FLNB: variants seen among roughly 807,000 people sequenced by gnomAD.
FLNB encodes filamin-B.
Under a neutral mutation model 250.6 loss-of-function variants are expected in FLNB, and 111 were observed. That is an observed-to-expected ratio of 0.44 (90% CI 0.38 to 0.52). The LOEUF is 0.52. FLNB is among the 20% of genes least tolerant of loss of function. The pLI is 0.00. For synonymous variants in FLNB, 1,302 were observed against 1,372.1 expected (o/e 0.95, Z 1.13); for missense variants, 2,869 against 3,447.8 (o/e 0.83, Z 4.20).
At chr3:58,054,132 G>A (rs781498190) in intron 1 of FLNB, among the ~76,000 whole-genome samples, 5 of 152,194 alleles carry the variant, frequency 3.3e-5, no homozygotes, top group Admixed American at 2.0e-4. Flanking sequence ...CTGGAGCTTG[G>A]TGCTGAGTGC....
At chr3:58,084,124 G>A (rs998350744) in intron 4 of FLNB, among the ~76,000 whole-genome samples, 2 of 151,424 alleles carry the variant, frequency 1.3e-5, no homozygotes, top group Non-Finnish European at 2.9e-5. Context: ...CCTGGGAGGC[G>A]GAGGTTGCAG....
chr3:58,015,883 C>T (rs1463431707), intron 1 of FLNB, among the ~76,000 whole-genome samples: 3 of 152,126 alleles, frequency 2.0e-5, no homozygotes, highest in Middle Eastern at 3.4e-3. Flanking sequence ...AGACCTAAAG[C>T]GTGACTAGAA....
chr3:58,038,779 G>A (rs1282701409), intron 1 of FLNB, among the ~76,000 whole-genome samples: 4 of 152,040 alleles, frequency 2.6e-5, no homozygotes, highest in Admixed American at 2.6e-4. Flanking sequence ...GTTACTACTT[G>A]CAGGCATCTC....
intron 3 of FLNB, among the ~76,000 whole-genome samples, chr3:58,080,794 T>TC (rs2097208113): frequency 6.7e-6 from 1 of 149,594 alleles, no homozygotes; most frequent in East Asian, 2.0e-4. Flanking sequence ...GTCTGGCCTT[T>TC]TTTTTTTTTT....
chr3:58,132,534 G>A (rs1291480257), intron 25 of FLNB: 3 of 525,520 alleles, frequency 5.7e-6, no homozygotes, highest in African/African-American at 3.8e-5. Context: ...CCAGCAGCAA[G>A]CACAGGCAGT....
chr3:58,131,715 C>G (rs1336643456), intron 25 of FLNB, among the ~76,000 whole-genome samples: 1 of 152,134 alleles, frequency 6.6e-6, no homozygotes, highest in Non-Finnish European at 1.5e-5. Context: ...TTTTGAAGCT[C>G]AGGGCAGAAA....
intron 26 of FLNB, 34 bp downstream of exon 26, chr3:58,132,965 A>G: frequency 1.3e-6 from 2 of 1,596,546 alleles, no homozygotes; most frequent in Non-Finnish European, 1.7e-6. Flanking sequence ...CCATTCCTCC[A>G]TCAGTCTATC....
chr3:58,067,100 A>G (rs1233041034), intron 1 of FLNB, among the ~76,000 whole-genome samples: 1 of 152,140 alleles, frequency 6.6e-6, no homozygotes, highest in Non-Finnish European at 1.5e-5. Flanking sequence ...CGACTCCCCC[A>G]TGCCATGCCC....
Position 58,112,294 on chromosome 3 carries a change from G to T in FLNB, c.2721G>T (p.Thr907=). 1 of 1,613,696 alleles carries T rather than the reference G, an allele frequency of 6.2e-7. No individual in the cohort carries two copies. Among genetic ancestry groups the T allele is most frequent in the Non-Finnish European group, 8.5e-7 (1 of 1,180,004 alleles). The change falls in exon 18 of 46, where the codon ACG becomes ACT. Residue 907 remains threonine, a synonymous_variant. Coordinates refer to ENST00000295956, the MANE Select transcript of FLNB (RefSeq NM_001457.4). ...TCGATAATTATGACTACTCTCACAC[G>T]GTTAAATATACACCCACCCAACAGG... The part of the protein sequence containing the change: ...DIIDNYDYSH[T]VKYTPTQQGN...
chr3:58,128,328 C>A (rs568830701), intron 24 of FLNB, among the ~76,000 whole-genome samples: 46 of 152,302 alleles, frequency 3.0e-4, no homozygotes, highest in African/African-American at 1.1e-3. Context: ...TACTCAGATA[C>A]TCATTTAAGC....
intron 26 of FLNB, among the ~76,000 whole-genome samples, chr3:58,133,349 C>G (rs771652012): frequency 2.7e-5 from 4 of 148,904 alleles, no homozygotes; most frequent in Non-Finnish European, 5.9e-5. Context: ...GTAATCCCAG[C>G]TACTTGGGAG....
intron 1 of FLNB, among the ~76,000 whole-genome samples, chr3:58,028,474 T>C (rs2097126428): frequency 6.6e-6 from 1 of 151,792 alleles, no homozygotes; most frequent in Non-Finnish European, 1.5e-5. Flanking sequence ...AAAGTTGTGT[T>C]GGCTGGGTGC....
intron 1 of FLNB, among the ~76,000 whole-genome samples, chr3:58,076,738 G>A (rs2097202231): frequency 6.6e-6 from 1 of 152,066 alleles, no homozygotes; most frequent in South Asian, 2.1e-4. Context: ...TGGGGTTACA[G>A]GAGTGTGCCA....
At chr3:58,155,808 C>A in intron 40 of FLNB, 152 bp from the exon 41 acceptor site, 1 of 660,932 alleles carries the variant, frequency 1.5e-6, no homozygotes, top group Non-Finnish European at 2.8e-6. Context: ...CATATCGGCC[C>A]AGCCTCAGCC....
rs763229681 is a variant in FLNB, at chr3:58,118,066, C to T, written c.2746-806C>T. 8.5e-5 allele frequency among the ~76,000 whole-genome samples: 13 copies of T among 152,146 alleles called. 1 individual carries two copies. The highest frequency in any genetic ancestry group is 3.9e-4 in the Admixed American group (6 of 15,270). On this transcript the variant is annotated intron_variant, in intron 18 of 45. Coordinates refer to ENST00000295956, the MANE Select transcript of FLNB (RefSeq NM_001457.4). ...GGAGCCTCGATTTGGAGGGAGGGAACTTGGCCAACCATGGAGAGAAGAAGC... is the reference window on the plus strand; with the variant it reads ...GGAGCCTCGATTTGGAGGGAGGGAATTTGGCCAACCATGGAGAGAAGAAGC...
intron 1 of FLNB, among the ~76,000 whole-genome samples, chr3:58,035,076 G>C (rs1383650746): frequency 2.0e-5 from 3 of 152,150 alleles, no homozygotes; most frequent in Non-Finnish European, 2.9e-5. Context: ...ACCTCAAGGA[G>C]GTGTTTCACG....
intron 11 of FLNB, among the ~76,000 whole-genome samples, chr3:58,106,377 T>TATATATATATATATATATATA: frequency 7.1e-6 from 1 of 141,190 alleles, no homozygotes; most frequent in Non-Finnish European, 1.5e-5. Context: ...TATATATATA[T>TATATATATATATATATATATA]CCTCCTGGCC....
chr3:58,086,463 T>C (rs927168536), intron 4 of FLNB, among the ~76,000 whole-genome samples: 1 of 53,070 alleles, frequency 1.9e-5, no homozygotes, highest in Non-Finnish European at 3.3e-5. Context: ...ATTTCTAGCC[T>C]TTTTTCTATG....
chr3:58,155,403 G>A (rs541559784), intron 40 of FLNB, among the ~76,000 whole-genome samples: 49 of 152,308 alleles, frequency 3.2e-4, no homozygotes, highest in Admixed American at 4.6e-4. Context: ...TGATATTATA[G>A]TACAGTTACC....
Sources: allele counts gnomAD v4.1 joint callset (sites outside exome capture counted in the v4.1 genomes callset), GRCh38; gene constraint gnomAD v4.1.1; transcripts MANE v1.5; gene names NCBI Gene and HGNC (gene_info 2026-07-23, HGNC 2026-07-21).